Variants in AFAP1 observed in about 807,000 individuals in gnomAD.
AFAP1 encodes the protein actin filament associated protein 1, also known as actin filament-associated protein 1.
Under a neutral mutation model 93.9 loss-of-function variants are expected in AFAP1, and 75 were observed. That is an observed-to-expected ratio of 0.80 (90% CI 0.66 to 0.97). The LOEUF is 0.97. Ranked by LOEUF, AFAP1 falls within the 50% of genes least tolerant of loss-of-function variation. The pLI is 0.00. For synonymous variants in AFAP1, 517 were observed against 430.7 expected (o/e 1.20, Z -2.48); for missense variants, 1,201 against 1,050.8 (o/e 1.14, Z -1.98).
Position 7,928,427 on chromosome 4 carries a change from G to A in AFAP1, c.-3+11229C>T, listed in dbSNP as rs144148258. ...TTTTGAGACAGTCTCTCTCTCTGTC[G>A]CCCAGGCTGGAGTGCAGTGACGCCA... is the stretch of plus-strand genomic sequence containing the variant. On this transcript the variant is annotated intron_variant, in intron 1 of 17. Transcript: ENST00000420658. Among the ~76,000 whole-genome samples, 23 of 152,020 alleles carry A rather than the reference G, an allele frequency of 1.5e-4. No individual in the cohort carries two copies. The East Asian group carries it at 2.5e-3, about 17-fold the overall frequency.
At chr4:7,792,992 T>A (rs1056168742) in intron 11 of AFAP1, among the ~76,000 whole-genome samples, 2 of 152,166 alleles carry the variant, frequency 1.3e-5, no homozygotes, top group African/African-American at 4.8e-5. Flanking sequence ...GGAAACAATG[T>A]CTTAGTATAT....
chr4:7,798,911 C>A, intron 10 of AFAP1: 1 of 987,130 alleles, frequency 1.0e-6, no homozygotes, highest in Non-Finnish European at 1.2e-6. Flanking sequence ...CGTGCCAATT[C>A]ATGCCTCCTT....
chr4:7,859,344 G>A (rs1045468162), intron 3 of AFAP1, among the ~76,000 whole-genome samples: 3 of 152,010 alleles, frequency 2.0e-5, no homozygotes, highest in Non-Finnish European at 4.4e-5. Context: ...GCTTAAACCC[G>A]GGAGGCAGAG....
chr4:7,924,438 C>T (rs1391738366), intron 1 of AFAP1, among the ~76,000 whole-genome samples: 1 of 152,188 alleles, frequency 6.6e-6, no homozygotes, highest in Non-Finnish European at 1.5e-5. Flanking sequence ...AAAACAGATT[C>T]CCTAACGATG....
chr4:7,808,479 G>A (rs956195865), intron 9 of AFAP1, among the ~76,000 whole-genome samples: 1 of 147,546 alleles, frequency 6.8e-6, no homozygotes, highest in East Asian at 1.9e-4. Flanking sequence ...GGCCAGGGCT[G>A]TTGTGGTCAC....
chr4:7,842,077 G>A (rs1295162599), intron 5 of AFAP1, among the ~76,000 whole-genome samples: 3 of 151,916 alleles, frequency 2.0e-5, no homozygotes, highest in African/African-American at 7.3e-5. Flanking sequence ...ATATCAGACT[G>A]GAAATAAGGA....
intron 8 of AFAP1, among the ~76,000 whole-genome samples, chr4:7,813,418 T>C (rs899799569): frequency 6.6e-6 from 1 of 152,200 alleles, no homozygotes; most frequent in East Asian, 1.9e-4. Context: ...GCATAGAAGG[T>C]TGTTCTTGTT....
At chr4:7,795,634 C>T (rs1263312886) in intron 10 of AFAP1, among the ~76,000 whole-genome samples, 2 of 151,712 alleles carry the variant, frequency 1.3e-5, no homozygotes, top group African/African-American at 4.9e-5. Flanking sequence ...ACTGTGTTAG[C>T]CAGGATGGTC....
chr4:7,938,517 G>A (rs1295195773), intron 1 of AFAP1, among the ~76,000 whole-genome samples: 3 of 152,134 alleles, frequency 2.0e-5, no homozygotes, highest in Non-Finnish European at 4.4e-5. Flanking sequence ...GGCAGCATCA[G>A]GTCTTCCCAT....
At chr4:7,872,146 G>A in intron 1 of AFAP1, 66 bp from the exon 2 acceptor site, 3 of 1,576,224 alleles carry the variant, frequency 1.9e-6, no homozygotes, top group Non-Finnish European at 1.7e-6. Flanking sequence ...TATGAATACT[G>A]AGTCTTACTC....
intron 1 of AFAP1, among the ~76,000 whole-genome samples, chr4:7,885,201 G>C (rs1264608309): frequency 1.3e-5 from 2 of 152,072 alleles, no homozygotes; most frequent in Non-Finnish European, 2.9e-5. Flanking sequence ...AATTAACCTG[G>C]ACTGTGCTTA....
At chr4:7,810,738 C>T (rs772242284) in intron 8 of AFAP1, among the ~76,000 whole-genome samples, 8 of 152,222 alleles carry the variant, frequency 5.3e-5, no homozygotes, top group Non-Finnish European at 1.0e-4. Flanking sequence ...ACTCTGGACC[C>T]GCATGTGGGC....
chr4:7,906,408 A>T (rs190641648), intron 1 of AFAP1, among the ~76,000 whole-genome samples: 1 of 152,244 alleles, frequency 6.6e-6, no homozygotes, highest in Non-Finnish European at 1.5e-5. Context: ...TCTTATCATT[A>T]ATAACAGCAC....
intron 5 of AFAP1, among the ~76,000 whole-genome samples, chr4:7,840,474 C>T (rs1277206242): frequency 4.6e-5 from 7 of 152,118 alleles, no homozygotes; most frequent in South Asian, 2.1e-4. Flanking sequence ...CCACCACACT[C>T]GGCTAATTTT....
intron 3 of AFAP1, among the ~76,000 whole-genome samples, chr4:7,867,662 T>G (rs561246168): frequency 1.8e-3 from 279 of 152,316 alleles, no homozygotes; most frequent in Admixed American, 5.9e-3. Context: ...CTTCCTTCTC[T>G]GAAAAATGGG....
chr4:7,793,075 CAAGAA>C (rs1718027924), intron 11 of AFAP1, among the ~76,000 whole-genome samples: 1 of 152,104 alleles, frequency 6.6e-6, no homozygotes, highest in Admixed American at 6.5e-5. Context: ...TGGACCATAC[CAAGAA>C]CTGCTGCTAC....
intron 9 of AFAP1, among the ~76,000 whole-genome samples, chr4:7,808,487 CACCAAAAGGTAGCTGCTCAAAGATG>C (rs11267759): frequency 0.67 from 96,646 of 143,854 alleles, 30,963 homozygotes; most frequent in East Asian, 0.83. Context: ...CTGTTGTGGT[CACCAAAAGGTAGCTGCTCAAAGATG>C]ACCAAAAGGT....
At chr4:7,771,381 A>G (rs923042209) in intron 16 of AFAP1, among the ~76,000 whole-genome samples, 2 of 152,168 alleles carry the variant, frequency 1.3e-5, no homozygotes, top group Admixed American at 6.5e-5. Context: ...CATATTAAAT[A>G]GTATGTATCG....
intron 12 of AFAP1, among the ~76,000 whole-genome samples, chr4:7,783,081 G>A (rs902742070): frequency 5.3e-5 from 8 of 152,302 alleles, no homozygotes; most frequent in South Asian, 4.1e-4. Flanking sequence ...CAGGGGGAAC[G>A]TTGGGTAAAC....
Sources: allele counts gnomAD v4.1 joint callset (sites outside exome capture counted in the v4.1 genomes callset), GRCh38; gene constraint gnomAD v4.1.1; transcripts MANE v1.5; gene names NCBI Gene and HGNC (gene_info 2026-07-23, HGNC 2026-07-21).